The following SORT1 variants were observed in gnomAD, a reference collection of about 807,000 sequenced individuals.
The protein encoded by SORT1 is sortilin.
Under a neutral mutation model 101.7 loss-of-function variants are expected in SORT1, and 39 were observed. The ratio of observed to expected loss-of-function variants is 0.38; its 90% CI spans 0.30 to 0.50. SORT1 has a LOEUF of 0.50. Among genes scored for constraint, SORT1 ranks in the 20% least tolerant of loss-of-function variants. SORT1 has a pLI of 0.90. For missense variants in SORT1, 878 were observed against 1,040.4 expected (o/e 0.84, Z 2.15); for synonymous variants, 396 against 393.7 (o/e 1.01, Z -0.07).
At chr1:109,316,485 G>T (rs1164121234) in intron 17 of SORT1, among the ~76,000 whole-genome samples, 1 of 152,038 alleles carries the variant, frequency 6.6e-6, no homozygotes, top group Non-Finnish European at 1.5e-5. Flanking sequence ...GCCTGCCTTG[G>T]ACTTCCAAAG....
chr1:109,393,698 AG>A (rs1653037268), intron 1 of SORT1, among the ~76,000 whole-genome samples: 1 of 152,222 alleles, frequency 6.6e-6, no homozygotes, highest in Non-Finnish European at 1.5e-5. Flanking sequence ...CTAAGAAGAG[AG>A]CATTTATAAA....
rs367920646 is a variant in SORT1, at chr1:109,314,739, C to T, written c.2290G>A (p.Val764Met). ...ACGACTGTGACCAGCATCAATCCCA[C>T]GATGGCCAGGATAATTGGAACAGAA... ...SNSVPIILAI[V>M]GLMLVTVVAG... The change falls in exon 18 of 20, where the codon GTG becomes ATG. Residue 764 changes from valine to methionine, a missense_variant. Transcript: ENST00000256637. 7.4e-6 allele frequency: 12 copies of T among 1,611,084 alleles called. No homozygotes were observed. Among genetic ancestry groups the T allele is most frequent in the East Asian group, 4.5e-5 (2 of 44,850 alleles).
chr1:109,342,101 G>A lies in SORT1; in HGVS notation c.1021C>T (p.Gln341Ter). 6.2e-7 allele frequency: 1 copy of A among 1,611,088 alleles called. No individual in the cohort carries two copies. The highest frequency in any genetic ancestry group is 2.2e-5 in the East Asian group (1 of 44,856). The change falls in exon 9 of 20, where the codon CAG becomes TAG. Residue 341 changes from glutamine (Q) to a stop codon, truncating the protein, a stop_gained. Coordinates refer to ENST00000256637, the MANE Select transcript of SORT1 (RefSeq NM_002959.7). LOFTEE classifies it high-confidence loss of function. ...TDQGDTWSMA[Q>*]LPSVGQEQFY... is the part of the protein sequence containing the mutation. ...TGTTCCTGTCCCACGGAGGGGAGCT[G>A]GGCCATGCTCCATGTGTCCCCTTGA...
chr1:109,330,858 A>C (rs1323337577), intron 11 of SORT1, among the ~76,000 whole-genome samples: 3 of 152,204 alleles, frequency 2.0e-5, no homozygotes, highest in Non-Finnish European at 4.4e-5. Context: ...AAATTGGATA[A>C]TCTAGAAAAA....
At chr1:109,360,103 T>A (rs1181408071) in intron 3 of SORT1, among the ~76,000 whole-genome samples, 1 of 151,938 alleles carries the variant, frequency 6.6e-6, no homozygotes, top group Non-Finnish European at 1.5e-5. Context: ...TTTTAAAGAG[T>A]AGGTCTTAAG....
At chr1:109,341,905 G>A in intron 9 of SORT1, 109 bp downstream of exon 9, 1 of 1,018,450 alleles carries the variant, frequency 9.8e-7, no homozygotes, top group Non-Finnish European at 1.5e-6. Context: ...AATCAGTAGG[G>A]CACTAATAAA....
chr1:109,364,558 A>G (rs1255015591), intron 3 of SORT1, among the ~76,000 whole-genome samples: 1 of 152,180 alleles, frequency 6.6e-6, no homozygotes, highest in African/African-American at 2.4e-5. Context: ...ATGTCAATCT[A>G]AAAAAATGAG....
intron 1 of SORT1, among the ~76,000 whole-genome samples, chr1:109,384,553 C>T (rs932271395): frequency 6.6e-6 from 1 of 152,188 alleles, no homozygotes; most frequent in African/African-American, 2.4e-5. Context: ...CCACATATCT[C>T]AATAGCTCCT....
In SORT1 at chr1:109,389,247, T is replaced by A. The variant is rs185837887; in HGVS notation, c.306+8340A>T. Among the ~76,000 whole-genome samples the A allele has an allele frequency of 4.7e-4, 71 of 152,298 alleles. 1 individual carries two copies. In the East Asian group the frequency reaches 0.012, roughly 26 times the overall value. ...TTTCAAAATATTTTCACATATATCT[T>A]CCCTTCAAAACTTCATGATAATCCT... On this transcript the variant is annotated intron_variant, in intron 1 of 19. Coordinates refer to ENST00000256637, the MANE Select transcript of SORT1 (RefSeq NM_002959.7).
At chr1:109,386,934 T>G (rs1304954489) in intron 1 of SORT1, among the ~76,000 whole-genome samples, 2 of 152,206 alleles carry the variant, frequency 1.3e-5, no homozygotes, top group Admixed American at 6.5e-5. Flanking sequence ...CCAGAGCCAT[T>G]AACTCTTAAC....
At chr1:109,321,470 G>A (rs1265090792) in intron 15 of SORT1, among the ~76,000 whole-genome samples, 1 of 152,160 alleles carries the variant, frequency 6.6e-6, no homozygotes. Flanking sequence ...TGGAGTCGAG[G>A]ATAGGAGAGA....
intron 1 of SORT1, among the ~76,000 whole-genome samples, chr1:109,383,841 G>A (rs1652404025): frequency 6.6e-6 from 1 of 152,144 alleles, no homozygotes; most frequent in Non-Finnish European, 1.5e-5. Context: ...TAATGTACAA[G>A]TTTCCAAATC....
intron 18 of SORT1, 71 bp downstream of exon 18, chr1:109,314,601 C>A: frequency 8.3e-7 from 1 of 1,204,070 alleles, no homozygotes; most frequent in Non-Finnish European, 1.2e-6. Flanking sequence ...CAAGAGTAGA[C>A]TCAGCCATAT....
intron 1 of SORT1, among the ~76,000 whole-genome samples, chr1:109,374,188 G>A (rs60123950): frequency 0.023 from 3,451 of 152,214 alleles, 139 homozygotes; most frequent in African/African-American, 0.079. Context: ...AAGATAATTA[G>A]TAGATAAGGA....
At chr1:109,362,907 T>C (rs1650821082) in intron 3 of SORT1, among the ~76,000 whole-genome samples, 1 of 152,166 alleles carries the variant, frequency 6.6e-6, no homozygotes, top group Non-Finnish European at 1.5e-5. Context: ...AAAACTGAAC[T>C]GAGCATATCA....
chr1:109,322,824 G>C, intron 15 of SORT1, 108 bp downstream of exon 15: 1 of 885,468 alleles, frequency 1.1e-6, no homozygotes, highest in Non-Finnish European at 1.7e-6. Flanking sequence ...ACAGGTGTGA[G>C]CCACCGCACC....
Position 109,367,443 on chromosome 1 carries a change from T to C in SORT1, c.405A>G (p.Val135=), listed in dbSNP as rs1651169232. ...LVLTTFHVPL[V]IMTFGQSKLY... is the part of the protein sequence containing the mutation. ...GCTTGGACTGTCCAAAAGTCATAAT[T>C]ACCAGTGGTACATGGAAGGTAGTCA... The change falls in exon 3 of 20, where the codon GTA becomes GTG. Residue 135 remains valine, a synonymous_variant. Coordinates refer to ENST00000256637, the MANE Select transcript of SORT1 (RefSeq NM_002959.7). 1 of 1,608,584 alleles carries C rather than the reference T, an allele frequency of 6.2e-7. No individual in the cohort carries two copies. The highest frequency in any genetic ancestry group is 8.5e-7 in the Non-Finnish European group (1 of 1,175,162).
chr1:109,337,713 T>C (rs181400410), intron 10 of SORT1, among the ~76,000 whole-genome samples: 293 of 152,218 alleles, frequency 1.9e-3, no homozygotes, highest in African/African-American at 6.7e-3. Flanking sequence ...CTGCAACCTC[T>C]GCCTCCCGGG....
At chr1:109,372,968 T>C (rs149707873) in intron 1 of SORT1, among the ~76,000 whole-genome samples, 7,826 of 150,658 alleles carry the variant, frequency 0.052, 227 homozygotes, top group Non-Finnish European at 0.062. Context: ...AGGCAGAGAA[T>C]TGCTTGAACC....
Sources: allele counts gnomAD v4.1 joint callset (sites outside exome capture counted in the v4.1 genomes callset), GRCh38; gene constraint gnomAD v4.1.1; transcripts MANE v1.5; gene names NCBI Gene and HGNC (gene_info 2026-07-23, HGNC 2026-07-21).